KIAA1217: variants seen among roughly 807,000 people sequenced by gnomAD.
KIAA1217 encodes the protein sickle tail protein homolog.
In KIAA1217, 88 loss-of-function variants were observed where a neutral mutation model predicts 163.9. That is an observed-to-expected ratio of 0.54 (90% confidence interval 0.45 to 0.64). KIAA1217 has a LOEUF of 0.64. Among genes scored for constraint, KIAA1217 ranks in the 30% least tolerant of loss-of-function variants. The pLI, the probability that KIAA1217 is intolerant of heterozygous loss-of-function variation, is 0.00. For synonymous variants in KIAA1217, 903 were observed against 923.1 expected (o/e 0.98, Z 0.39); for missense variants, 2,372 against 2,475.0 (o/e 0.96, Z 0.88).
chr10:24,121,712 A>G (rs1214006847), intron 2 of KIAA1217, among the ~76,000 whole-genome samples: 3 of 152,236 alleles, frequency 2.0e-5, no homozygotes, highest in Non-Finnish European at 4.4e-5. Flanking sequence ...AACAAAAGGC[A>G]TGTTAAATAA....
chr10:24,470,963 A>G (rs977759646), intron 5 of KIAA1217, among the ~76,000 whole-genome samples: 2 of 152,154 alleles, frequency 1.3e-5, no homozygotes, highest in African/African-American at 4.8e-5. Flanking sequence ...TGCCCTCTCC[A>G]TGGCGCTTGG....
chr10:23,771,285 T>C (rs1834783777), intron 1 of KIAA1217, among the ~76,000 whole-genome samples: 1 of 152,224 alleles, frequency 6.6e-6, no homozygotes, highest in Non-Finnish European at 1.5e-5. Flanking sequence ...AGGGAGCTTT[T>C]AAACCATTTC....
intron 2 of KIAA1217, among the ~76,000 whole-genome samples, chr10:24,359,592 TAGTA>T (rs2134194749): frequency 6.6e-6 from 1 of 152,318 alleles, no homozygotes; most frequent in Admixed American, 6.5e-5. Context: ...GTCTCACAGA[TAGTA>T]AGTGTTGAAA....
intron 2 of KIAA1217, among the ~76,000 whole-genome samples, chr10:24,352,208 C>CTT (rs2048535516): frequency 2.0e-5 from 3 of 152,210 alleles, no homozygotes; most frequent in Non-Finnish European, 4.4e-5. Flanking sequence ...TTGGATTAAG[C>CTT]TTTCACCATT....
At chr10:23,889,201 G>A (rs145060043) in intron 1 of KIAA1217, among the ~76,000 whole-genome samples, 1 of 151,980 alleles carries the variant, frequency 6.6e-6, no homozygotes, top group African/African-American at 2.4e-5. Context: ...TTGGCTCATA[G>A]CGTGTATAAC....
chr10:23,857,173 A>G (rs115718656), intron 1 of KIAA1217, among the ~76,000 whole-genome samples: 1 of 152,156 alleles, frequency 6.6e-6, no homozygotes, highest in Non-Finnish European at 1.5e-5. Flanking sequence ...AGGGATTACA[A>G]TTTTATATGA....
intron 2 of KIAA1217, among the ~76,000 whole-genome samples, chr10:24,019,395 G>GA (rs1847634047): frequency 9.2e-6 from 1 of 108,914 alleles, no homozygotes; most frequent in Non-Finnish European, 2.2e-5. Flanking sequence ...CTTAAGGAAT[G>GA]CAAAAAAAAT....
At chr10:24,150,358 T>C (rs774858335) in intron 2 of KIAA1217, among the ~76,000 whole-genome samples, 9 of 152,104 alleles carry the variant, frequency 5.9e-5, no homozygotes, top group Non-Finnish European at 1.2e-4. Flanking sequence ...TGACCATATT[T>C]AAAAAGAGAA....
intron 2 of KIAA1217, among the ~76,000 whole-genome samples, chr10:24,172,487 C>T (rs567115033): frequency 6.6e-6 from 1 of 152,276 alleles, no homozygotes; most frequent in East Asian, 1.9e-4. Context: ...TGCATCCTAG[C>T]TGAGTTACCT....
chr10:24,319,282 A>C (rs545897977), intron 2 of KIAA1217, among the ~76,000 whole-genome samples: 108 of 148,064 alleles, frequency 7.3e-4, no homozygotes, highest in Non-Finnish European at 1.4e-3. Flanking sequence ...AGGCTGAGGC[A>C]TGAGAATCCC....
At chr10:24,332,963 A>C (rs1252016385) in intron 2 of KIAA1217, among the ~76,000 whole-genome samples, 1 of 152,126 alleles carries the variant, frequency 6.6e-6, no homozygotes, top group East Asian at 1.9e-4. Flanking sequence ...AGTCAGAAAT[A>C]ATGTAGTAGA....
intron 2 of KIAA1217, among the ~76,000 whole-genome samples, chr10:24,294,187 C>CAAAAAAAAA (rs371110913): frequency 1.1e-4 from 6 of 55,100 alleles, no homozygotes; most frequent in African/African-American, 2.3e-4. Flanking sequence ...GACTCCGTCT[C>CAAAAAAAAA]AAAAAAAAAA....
intron 2 of KIAA1217, among the ~76,000 whole-genome samples, chr10:24,153,842 C>T (rs905608639): frequency 6.6e-6 from 1 of 152,184 alleles, no homozygotes; most frequent in Admixed American, 6.5e-5. Flanking sequence ...GATAATTCCC[C>T]CGGGCTTATG....
At chr10:24,403,961 A>G (rs1338506162) in intron 3 of KIAA1217, among the ~76,000 whole-genome samples, 2 of 151,996 alleles carry the variant, frequency 1.3e-5, no homozygotes, top group South Asian at 2.1e-4. Flanking sequence ...CCTTTTATTC[A>G]TTTTTTATTT....
intron 10 of KIAA1217, among the ~76,000 whole-genome samples, chr10:24,516,462 A>G (rs1336884866): frequency 6.6e-6 from 1 of 152,254 alleles, no homozygotes; most frequent in Non-Finnish European, 1.5e-5. Flanking sequence ...TCCGGGGTTC[A>G]ACCCCAGATT....
intron 2 of KIAA1217, among the ~76,000 whole-genome samples, chr10:24,022,622 T>G (rs546917065): frequency 4.7e-4 from 72 of 151,860 alleles, no homozygotes; most frequent in Middle Eastern, 3.4e-3. Context: ...TTTATCCAAA[T>G]TAGTTGAAAA....
At chr10:23,846,952 T>A (rs923584317) in intron 1 of KIAA1217, among the ~76,000 whole-genome samples, 1 of 152,178 alleles carries the variant, frequency 6.6e-6, no homozygotes, top group Non-Finnish European at 1.5e-5. Context: ...GAAGGGATGT[T>A]GAATTTTGTC....
intron 10 of KIAA1217, among the ~76,000 whole-genome samples, chr10:24,515,853 C>T (rs1051277788): frequency 2.0e-5 from 3 of 152,172 alleles, no homozygotes; most frequent in Admixed American, 6.6e-5. Context: ...GGGAGAATCA[C>T]TTGGGACCAG....
At chr10:24,205,302 CAAAAAAAAAAAAAAAAA>C (rs61292023), upstream of KIAA1217, among the ~76,000 whole-genome samples, 1 of 36,610 alleles carries the variant, frequency 2.7e-5, no homozygotes, top group Non-Finnish European at 5.4e-5. Context: ...ACTAAAAATA[CAAAAAAAAAAAAAAAAA>C]AAAAAAAAAG....
Sources: allele counts gnomAD v4.1 joint callset (sites outside exome capture counted in the v4.1 genomes callset), GRCh38; gene constraint gnomAD v4.1.1; transcripts MANE v1.5; gene names NCBI Gene and HGNC (gene_info 2026-07-23, HGNC 2026-07-21).